The following TEK variants were observed in gnomAD, a reference collection of about 807,000 sequenced individuals.
TEK encodes TEK receptor tyrosine kinase.
Under a neutral mutation model 131.8 loss-of-function variants are expected in TEK, and 43 were observed. The ratio of observed to expected loss-of-function variants is 0.33; its 90% confidence interval spans 0.26 to 0.42. The LOEUF (loss-of-function observed/expected upper bound fraction) is 0.42. Among genes scored for constraint, TEK ranks in the 10% least tolerant of loss-of-function variants. The pLI is 1.00. For synonymous variants in TEK, 580 were observed against 491.6 expected, an observed-to-expected ratio of 1.18 and a Z score of -2.38; for missense variants, 1,162 against 1,384.4, an observed-to-expected ratio of 0.84 and a Z score of 2.55.
chr9:27,182,365 G>C (rs1339311437), intron 7 of TEK, among the ~76,000 whole-genome samples: 1 of 152,138 alleles, frequency 6.6e-6, no homozygotes, highest in Non-Finnish European at 1.5e-5. Context: ...GTCAAAACAT[G>C]TTTTTCAATT....
At chr9:27,213,005 T>C in intron 17 of TEK, 108 bp downstream of exon 17, 1 of 1,201,552 alleles carries the variant, frequency 8.3e-7, no homozygotes, top group African/African-American at 1.5e-5. Flanking sequence ...AACTCCTTCT[T>C]AAAATCTCCC....
chr9:27,229,425 A>T lies in TEK; in HGVS notation c.*193A>T. 1.6e-6 allele frequency: 1 copy of T among 625,920 alleles called. No individual in the cohort carries two copies. The highest frequency in any genetic ancestry group is 2.8e-5 in the East Asian group (1 of 35,884). The allele number at this position is 625,920 out of a possible 1,614,324, so 38.8% of individuals were successfully genotyped here. Reference sequence around the variant, plus strand: ...TGCTCTGACTCTAATAGGACTGTATATACTGTTTTAAGAATGGGCTGAAAT... The same window carrying T: ...TGCTCTGACTCTAATAGGACTGTATTTACTGTTTTAAGAATGGGCTGAAAT... On this transcript the variant is annotated 3_prime_UTR_variant, in exon 23 of 23. Transcript: ENST00000380036.
rs779625499 is a variant in TEK at position 27,157,878 on chromosome 9, C to T, written c.100C>T (p.Leu34Phe). Reference protein sequence around the residue: ...MDLILINSLPLVSDAETSLTC... With the variant: ...MDLILINSLPFVSDAETSLTC... Reference sequence around the variant, plus strand: ...CTTGATCTTGATCAATTCCCTACCTCTTGTATCTGATGCTGAAACATCTCT... The same window carrying T: ...CTTGATCTTGATCAATTCCCTACCTTTTGTATCTGATGCTGAAACATCTCT... The change falls in exon 2 of 23, where the codon CTT becomes TTT. Residue 34 changes from leucine (L) to phenylalanine (F), a missense_variant. Transcript: ENST00000380036. 1 of 1,614,058 alleles carries T rather than the reference C, an allele frequency of 6.2e-7. No homozygotes were observed. The highest frequency in any genetic ancestry group is 8.5e-7 in the Non-Finnish European group (1 of 1,179,992).
At position 27,178,623 on chromosome 9, in the gene TEK, G is replaced by A. The variant is rs1824254292; in HGVS notation, c.902-1617G>A. On this transcript the variant is annotated intron_variant, in intron 6 of 22. Transcript: ENST00000380036. ...TACAAAATCAAAACAAATCATCATA[G>A]CCCCAAAAGACAAGCTTTTGCATTA... Among the ~76,000 whole-genome samples, 4 of 152,010 alleles carry A rather than the reference G, an allele frequency of 2.6e-5. No homozygotes were observed. The South Asian group carries it at 8.3e-4, about 31-fold the overall frequency.
chr9:27,165,532 C>T (rs566691827), intron 2 of TEK, among the ~76,000 whole-genome samples: 1 of 152,170 alleles, frequency 6.6e-6, no homozygotes, highest in Non-Finnish European at 1.5e-5. Context: ...GCTCATATCA[C>T]AAATGTCAGC....
At chr9:27,204,594 C>T (rs1323022967) in intron 13 of TEK, among the ~76,000 whole-genome samples, 1 of 152,052 alleles carries the variant, frequency 6.6e-6, no homozygotes, top group Non-Finnish European at 1.5e-5. Context: ...CCCTATTATT[C>T]AACATTGTTC....
Position 27,208,949 on chromosome 9 carries a change from G to T in TEK, c.2576-172G>T, listed in dbSNP as rs1825501686. 1.3e-5 allele frequency among the ~76,000 whole-genome samples: 2 copies of T among 152,212 alleles called. 1 individual carries two copies. The highest frequency in any genetic ancestry group is 4.1e-4 in the South Asian group (2 of 4,830). ...ACAGGCCCCTGCAAAGGAATTATCA[G>T]CCCAGTGTCAATAGTGCCAAGGCCG... On this transcript the variant is annotated intron_variant, in intron 15 of 22. Coordinates refer to ENST00000380036, the MANE Select transcript of TEK (RefSeq NM_000459.5).
chr9:27,213,024 ATCTC>A (rs1825692082), intron 17 of TEK, 127 bp downstream of exon 17: 2 of 1,044,836 alleles, frequency 1.9e-6, no homozygotes, highest in African/African-American at 3.2e-5. Flanking sequence ...CCTCATTTTA[ATCTC>A]TCTGTGAATA....
At chr9:27,216,821 C>A (rs989493420) in intron 18 of TEK, among the ~76,000 whole-genome samples, 1 of 152,026 alleles carries the variant, frequency 6.6e-6, no homozygotes, top group African/African-American at 2.4e-5. Context: ...TTTGTTCCAC[C>A]CACTGGCTAA....
chr9:27,121,454 T>A (rs190449859), intron 1 of TEK, among the ~76,000 whole-genome samples: 120,108 of 148,704 alleles, frequency 0.81, 48,687 homozygotes, highest in East Asian at 0.94. Flanking sequence ...ATAAATAAAT[T>A]TTTTTTTTAT....
chr9:27,213,683 TG>T (rs1334433058), intron 18 of TEK, 86 bp downstream of exon 18: 2 of 983,882 alleles, frequency 2.0e-6, no homozygotes, highest in Non-Finnish European at 3.3e-6. Context: ...GTCAGTGCTC[TG>T]TGGTGACTGA....
At chr9:27,193,417 C>T (rs1236270261) in intron 11 of TEK, among the ~76,000 whole-genome samples, 2 of 152,090 alleles carry the variant, frequency 1.3e-5, no homozygotes, top group East Asian at 3.9e-4. Context: ...GTCCTGGGTC[C>T]ACACGTTCTA....
In TEK at chr9:27,158,059, G is replaced by A; in HGVS notation, c.281G>A (p.Ser94Asn). 4 of 1,614,150 alleles carry A rather than the reference G, an allele frequency of 2.5e-6. No homozygotes were observed. The highest frequency in any genetic ancestry group is 2.5e-6 in the Non-Finnish European group (3 of 1,180,030). Residue 94 changes from serine to asparagine, a missense_variant, in exon 2 of 23, where the codon AGT (serine) becomes AAT (asparagine). Coordinates refer to ENST00000380036, the MANE Select transcript of TEK (RefSeq NM_000459.5). ...KKVVWKREKASKINGAYFCEG... is the reference protein window; with the variant it reads ...KKVVWKREKANKINGAYFCEG... ...GTTGTTTGGAAGAGAGAAAAGGCTA[G>A]TAAGATCAATGGTGCTTATTTCTGT...
At chr9:27,213,672 T>TGTCA in intron 18 of TEK, 75 bp downstream of exon 18, 1 of 1,098,866 alleles carries the variant, frequency 9.1e-7, no homozygotes, top group Non-Finnish European at 1.4e-6. Flanking sequence ...CTTCTGAGAC[T>TGTCA]GTCAGTGCTC....
chr9:27,170,872 G>A (rs769060874), intron 4 of TEK, among the ~76,000 whole-genome samples: 3 of 152,132 alleles, frequency 2.0e-5, no homozygotes, highest in Non-Finnish European at 4.4e-5. Flanking sequence ...CGTACTACAC[G>A]TTACAGGCAC....
intron 2 of TEK, among the ~76,000 whole-genome samples, chr9:27,161,129 C>T (rs551643761): frequency 3.9e-5 from 6 of 152,274 alleles, no homozygotes; most frequent in African/African-American, 1.2e-4. Context: ...GTTAAAAACC[C>T]GCTGTAATGA....
chr9:27,170,807 ATATAT>A (rs2131145137), intron 4 of TEK, among the ~76,000 whole-genome samples: 1 of 152,258 alleles, frequency 6.6e-6, no homozygotes, highest in Admixed American at 6.5e-5. Flanking sequence ...TTGGCCTAAC[ATATAT>A]TAGATGTCTA....
chr9:27,172,183 G>A (rs901711433), intron 4 of TEK, among the ~76,000 whole-genome samples: 1 of 152,288 alleles, frequency 6.6e-6, no homozygotes, highest in East Asian at 1.9e-4. Context: ...AGATGATGGG[G>A]ATGCTACTGG....
At chr9:27,134,297 T>C (rs1204221879) in intron 1 of TEK, among the ~76,000 whole-genome samples, 1 of 152,222 alleles carries the variant, frequency 6.6e-6, no homozygotes, top group African/African-American at 2.4e-5. Flanking sequence ...ATTTACTCTG[T>C]GAGATATACT....
Sources: allele counts gnomAD v4.1 joint callset (sites outside exome capture counted in the v4.1 genomes callset), GRCh38; gene constraint gnomAD v4.1.1; transcripts MANE v1.5; gene names NCBI Gene and HGNC (gene_info 2026-07-23, HGNC 2026-07-21).